Variants in ILDR1 observed in about 807,000 individuals in gnomAD.
The protein encoded by ILDR1 is immunoglobulin like domain containing receptor 1.
Under a neutral mutation model 62.4 loss-of-function variants are expected in ILDR1, and 56 were observed. The ratio of observed to expected loss-of-function variants is 0.90; its 90% confidence interval spans 0.72 to 1.12. The LOEUF (loss-of-function observed/expected upper bound fraction) is 1.12. Ranked by LOEUF, ILDR1 falls within the 50% of genes most tolerant of loss-of-function variation. The pLI, the probability that ILDR1 is intolerant of heterozygous loss-of-function variation, is 0.00. For synonymous variants in ILDR1, 284 were observed against 277.8 expected (o/e 1.02, Z -0.22); for missense variants, 736 against 710.6 (o/e 1.04, Z -0.41).
At chr3:122,003,617 A>G (rs925146295) in intron 3 of ILDR1, among the ~76,000 whole-genome samples, 10 of 152,300 alleles carry the variant, frequency 6.6e-5, no homozygotes, top group African/African-American at 2.4e-4. Flanking sequence ...ATAGGCAAAA[A>G]AGTGTCAGAA....
chr3:122,046,121 C>G, the ILDR1 span, among the ~76,000 whole-genome samples: 11 of 151,624 alleles, frequency 7.3e-5, no homozygotes, highest in South Asian at 1.9e-3. Flanking sequence ...CTAGTGGTGA[C>G]AAAATCTCTC....
At chr3:122,056,442 C>T in the ILDR1 span, among the ~76,000 whole-genome samples, 1 of 152,230 alleles carries the variant, frequency 6.6e-6, no homozygotes, top group Non-Finnish European at 1.5e-5. Context: ...TCAAACGATT[C>T]TCCTTCCTCA....
intron 1 of ILDR1, among the ~76,000 whole-genome samples, chr3:122,016,220 T>C (rs892615609): frequency 6.6e-6 from 1 of 152,258 alleles, no homozygotes; most frequent in African/African-American, 2.4e-5. Context: ...TCATGCATCA[T>C]CCCTTCAGGG....
chr3:122,034,652 G>T, the ILDR1 span, among the ~76,000 whole-genome samples: 5 of 149,838 alleles, frequency 3.3e-5, no homozygotes, highest in South Asian at 2.1e-4. Flanking sequence ...TGTTGTTGTT[G>T]TTTTTTCTAT....
rs1014498681 is a variant in ILDR1 at position 122,011,803 on chromosome 3, C to T, written c.59-4642G>A. ...CATCTATTATGCACCGGGTGATGTA[C>T]ATTCTTGGTCTCTAAATCTCACAAA... On this transcript the variant is annotated intron_variant, in intron 1 of 7. Coordinates refer to ENST00000344209, the MANE Select transcript of ILDR1 (RefSeq NM_001199799.2). 3.3e-5 allele frequency among the ~76,000 whole-genome samples: 5 copies of T among 152,092 alleles called. No individual in the cohort carries two copies. The South Asian group carries it at 8.3e-4, about 25-fold the overall frequency.
At chr3:122,056,472 C>G in the ILDR1 span, among the ~76,000 whole-genome samples, 1 of 152,228 alleles carries the variant, frequency 6.6e-6, no homozygotes, top group Admixed American at 6.5e-5. Flanking sequence ...GTAGCTGGGA[C>G]TACAGGCGCC....
At chr3:122,001,962 T>C in intron 3 of ILDR1, 98 bp from the exon 4 acceptor site, 1 of 1,386,696 alleles carries the variant, frequency 7.2e-7, no homozygotes, top group South Asian at 1.2e-5. Context: ...GGCAAGACCT[T>C]GTATTTACAA....
At chr3:122,025,056 A>G (rs961964752), upstream of ILDR1, 1 of 152,266 alleles carries the variant, frequency 6.6e-6, no homozygotes, top group Non-Finnish European at 1.5e-5. Flanking sequence ...GGCTCAGAAC[A>G]ACAGCAGTTC....
Position 122,007,138 on chromosome 3 carries a change from C to T in ILDR1, c.82G>A (p.Val28Ile). 1 of 1,614,138 alleles carries T rather than the reference C, an allele frequency of 6.2e-7. No homozygotes were observed. ...PAGCLSLLVT[V>I]QHTERYVTLF... ...GTGACATAGCGTTCTGTGTGCTGGA[C>T]CGTCACAAGCAAGGACAGGCACCCT... is the stretch of plus-strand genomic sequence containing the variant. The change falls in exon 2 of 8, where the codon GTC becomes ATC. Residue 28 changes from valine (V) to isoleucine (I), a missense_variant. By Grantham distance (29) the Val-to-Ile change is conservative. Transcript: ENST00000344209.
chr3:122,059,523 G>C, the ILDR1 span, among the ~76,000 whole-genome samples: 559 of 147,016 alleles, frequency 3.8e-3, 20 homozygotes, highest in East Asian at 0.094. Context: ...GTGACAGAGT[G>C]AGACTCCGTC....
At chr3:122,047,150 A>G in the ILDR1 span, among the ~76,000 whole-genome samples, 1 of 148,246 alleles carries the variant, frequency 6.7e-6, no homozygotes, top group Non-Finnish European at 1.5e-5. Context: ...CAGGACCCTC[A>G]GCTGCAGGTC....
the ILDR1 span, among the ~76,000 whole-genome samples, chr3:122,036,516 G>A: frequency 6.6e-6 from 1 of 151,818 alleles, no homozygotes; most frequent in African/African-American, 2.4e-5. Flanking sequence ...GTCAACGCGG[G>A]AGGTGGAGCT....
chr3:122,052,278 G>C, the ILDR1 span, among the ~76,000 whole-genome samples: 2 of 151,952 alleles, frequency 1.3e-5, no homozygotes, highest in Non-Finnish European at 2.9e-5. Flanking sequence ...AGTGATTCAA[G>C]ACAGACAAGA....
the ILDR1 span, among the ~76,000 whole-genome samples, chr3:122,028,353 AAAAG>A: frequency 2.7e-5 from 4 of 150,498 alleles, no homozygotes; most frequent in Non-Finnish European, 4.4e-5. Flanking sequence ...AAAAAAAAAA[AAAAG>A]GAGGAAAACT....
chr3:122,012,415 T>C (rs2071717830), intron 1 of ILDR1, among the ~76,000 whole-genome samples: 1 of 152,196 alleles, frequency 6.6e-6, no homozygotes, highest in Admixed American at 6.5e-5. Flanking sequence ...TATCATTTTC[T>C]CTCAAAAATG....
intron 1 of ILDR1, among the ~76,000 whole-genome samples, chr3:122,013,432 C>T (rs981160840): frequency 5.3e-5 from 8 of 152,060 alleles, no homozygotes; most frequent in African/African-American, 1.7e-4. Context: ...CTGGGACTGA[C>T]AGGAATTGAT....
chr3:122,043,229 T>C, the ILDR1 span, among the ~76,000 whole-genome samples: 4 of 149,650 alleles, frequency 2.7e-5, no homozygotes, highest in Non-Finnish European at 5.9e-5. Context: ...TAGTTGTAGA[T>C]ATGCGGCGTT....
chr3:121,996,170 A>G (rs1300050232), intron 5 of ILDR1, among the ~76,000 whole-genome samples: 2 of 152,148 alleles, frequency 1.3e-5, no homozygotes, highest in Non-Finnish European at 2.9e-5. Flanking sequence ...AGATGGTCCT[A>G]TTCCCATTTA....
chr3:122,050,373 A>AT, the ILDR1 span, among the ~76,000 whole-genome samples: 1 of 151,860 alleles, frequency 6.6e-6, no homozygotes, highest in Non-Finnish European at 1.5e-5. Context: ...TGTTTCATGG[A>AT]TTTTTTATGG....
Sources: gnomAD v4.1 joint callset for allele counts (sites outside exome capture counted in the v4.1 genomes callset) on GRCh38, gnomAD v4.1.1 for gene constraint, MANE v1.5 for transcripts, NCBI Gene and HGNC (gene_info 2026-07-23, HGNC 2026-07-21) for gene names.